ITPR1: variants seen among roughly 807,000 people sequenced by gnomAD.
ITPR1 encodes inositol 1,4,5-trisphosphate-gated calcium channel ITPR1.
A neutral mutation model predicts 318.4 loss-of-function variants in ITPR1; 96 were observed. That is an observed-to-expected ratio of 0.30 (90% CI 0.26 to 0.36). ITPR1 has a LOEUF of 0.36. ITPR1 is among the 10% of genes least tolerant of loss of function. The pLI is 1.00. For synonymous variants in ITPR1, 1,312 were observed against 1,289.9 expected (o/e 1.02, Z -0.37); for missense variants, 2,440 against 3,460.2 (o/e 0.71, Z 7.40).
At chr3:4,837,107 C>A (rs1048128007) in intron 61 of ITPR1, among the ~76,000 whole-genome samples, 172 bp downstream of exon 61, 1 of 152,064 alleles carries the variant, frequency 6.6e-6, no homozygotes, top group Admixed American at 6.5e-5. Flanking sequence ...ACCCCAATCC[C>A]CTTCACTGCC....
Position 4,846,355 on chromosome 3 carries a change from T to C in ITPR1, c.*130T>C, listed in dbSNP as rs752838610. ...CATTTGTAAATACTCAGTTTTATACTGTATGTATATGATTGCTACTCTAAA... is the reference window on the plus strand; with the variant it reads ...CATTTGTAAATACTCAGTTTTATACCGTATGTATATGATTGCTACTCTAAA... On this transcript the variant is annotated 3_prime_UTR_variant, in exon 62 of 62. Coordinates refer to ENST00000649015, the MANE Select transcript of ITPR1 (RefSeq NM_001378452.1). The C allele has an allele frequency of 5.8e-6, 3 of 520,474 alleles. No homozygotes were observed. The highest frequency in any genetic ancestry group is 1.0e-5 in the Non-Finnish European group (3 of 294,500). The allele number at this position is 520,474 out of a possible 1,614,324, so 32.2% of individuals were successfully genotyped here. A position where few individuals can be genotyped will look rare whatever the true frequency, so the allele number is the denominator to read the frequency against.
At chr3:4,624,670 CAA>C (rs1161664837) in intron 4 of ITPR1, among the ~76,000 whole-genome samples, 1,291 of 72,416 alleles carry the variant, frequency 0.018, 8 homozygotes, top group African/African-American at 0.053. Context: ...GCTCTGTCTC[CAA>C]AAAAAAAAAA....
intron 37 of ITPR1, among the ~76,000 whole-genome samples, chr3:4,707,971 G>A (rs191018122): frequency 6.6e-6 from 1 of 152,262 alleles, no homozygotes; most frequent in Admixed American, 6.5e-5. Flanking sequence ...GGGAGAAAGA[G>A]ACATTAATTT....
At chr3:4,500,472 G>T (rs2080936549) in intron 2 of ITPR1, among the ~76,000 whole-genome samples, 1 of 140,172 alleles carries the variant, frequency 7.1e-6, no homozygotes, top group South Asian at 2.2e-4. Flanking sequence ...AAAGTGTTGG[G>T]ATTACAGGCG....
rs754108098 is a variant in ITPR1 at position 4,652,553 on chromosome 3, C to T, written c.951+335C>T. On this transcript the variant is annotated intron_variant, in intron 11 of 61. Transcript: ENST00000649015. ...CTACCAGCCCCACACCTAGCATGAGCGACTGAGGCTGCAGCAGAAACATGA... is the reference window on the plus strand; with the variant it reads ...CTACCAGCCCCACACCTAGCATGAGTGACTGAGGCTGCAGCAGAAACATGA... 3.9e-5 allele frequency among the ~76,000 whole-genome samples: 6 copies of T among 152,174 alleles called. No individual in the cohort carries two copies. In the South Asian group the frequency reaches 6.2e-4, roughly 16 times the overall value.
At chr3:4,718,826 C>T (rs539799747) in intron 40 of ITPR1, among the ~76,000 whole-genome samples, 72 of 152,144 alleles carry the variant, frequency 4.7e-4, no homozygotes, top group Non-Finnish European at 9.6e-4. Context: ...TTCCTTCTTC[C>T]GGGTTATTTA....
At position 4,735,297 on chromosome 3, in the gene ITPR1, C is replaced by G. The variant is rs774018521; in HGVS notation, c.5487C>G (p.Phe1829Leu). ...TGAACGCATCCAGTGACCGAGTGTT[C>G]CATGAAAGCATTCTCCTGGCCATTG... ...LIMNASSDRV[F>L]HESILLAIAL... The change falls in exon 44 of 62, where the codon TTC (phenylalanine) becomes TTG (leucine). Residue 1829 changes from phenylalanine (F) to leucine (L), a missense_variant. Coordinates refer to ENST00000649015, the MANE Select transcript of ITPR1 (RefSeq NM_001378452.1). The G allele has an allele frequency of 1.9e-6, 3 of 1,613,842 alleles. No individual in the cohort carries two copies. The African/African-American group carries it at 4.0e-5, about 22-fold the overall frequency.
chr3:4,734,826 C>G (rs1486925221), intron 43 of ITPR1, among the ~76,000 whole-genome samples: 1 of 152,212 alleles, frequency 6.6e-6, no homozygotes, highest in African/African-American at 2.4e-5. Context: ...GTTTCTGAAA[C>G]CAGTTCTGAA....
intron 53 of ITPR1, among the ~76,000 whole-genome samples, chr3:4,799,399 G>A (rs1188189131): frequency 6.6e-6 from 1 of 152,192 alleles, no homozygotes; most frequent in Non-Finnish European, 1.5e-5. Context: ...TAAGTGGCTG[G>A]GCTGGGGGGA....
intron 60 of ITPR1, chr3:4,831,127 T>TCACACACACACACA (rs879186803): frequency 0.017 from 5,760 of 333,018 alleles, 82 homozygotes; most frequent in East Asian, 0.029. Flanking sequence ...TCTCTCTCTC[T>TCACACACACACACA]CTCTCACACA....
chr3:4,794,656 TA>T (rs1244496576), intron 52 of ITPR1, among the ~76,000 whole-genome samples: 4 of 152,180 alleles, frequency 2.6e-5, no homozygotes, highest in African/African-American at 9.7e-5. Flanking sequence ...CCCACACTTC[TA>T]AAAAGCTAAT....
chr3:4,798,978 G>C (rs1201827830), intron 53 of ITPR1, among the ~76,000 whole-genome samples: 1 of 152,254 alleles, frequency 6.6e-6, no homozygotes, highest in Non-Finnish European at 1.5e-5. Flanking sequence ...GACTTTTAGA[G>C]TGATAAAAAT....
chr3:4,661,013 C>G lies in ITPR1; in HGVS notation c.1177C>G (p.Leu393Val). 6.2e-7 allele frequency: 1 copy of G among 1,606,096 alleles called. No individual in the cohort carries two copies. Reference sequence around the variant, plus strand: ...GAACTCTTATGTTCGGCTCAGACACCTATGTACTAATACCTGGGTTCACAG... The same window carrying G: ...GAACTCTTATGTTCGGCTCAGACACGTATGTACTAATACCTGGGTTCACAG... ...PRNSYVRLRH[L>V]CTNTWVHSTN... Residue 393 changes from leucine (L) to valine (V), a missense_variant, in exon 14 of 62, where the codon CTA (leucine) becomes GTA (valine). Leu to Val is a conservative substitution (Grantham distance 32). Around this residue, in one of 23 missense-constraint regions of ITPR1, gnomAD observed 101 missense variants for 119.6 expected, o/e 0.84. Transcript: ENST00000649015.
At chr3:4,558,943 A>G (rs1001036162) in intron 4 of ITPR1, among the ~76,000 whole-genome samples, 1 of 152,104 alleles carries the variant, frequency 6.6e-6, no homozygotes, top group Non-Finnish European at 1.5e-5. Context: ...CCACAATACC[A>G]TTATCATACC....
chr3:4,675,284 G>A (rs767867002), intron 23 of ITPR1, 36 bp downstream of exon 23: 4 of 1,477,318 alleles, frequency 2.7e-6, no homozygotes, highest in African/African-American at 2.8e-5. Flanking sequence ...TCTGAGAGAT[G>A]CCCTCCAGCC....
chr3:4,777,280 A>T lies in ITPR1; in HGVS notation c.6197A>T (p.His2066Leu). 6.2e-7 allele frequency: 1 copy of T among 1,603,058 alleles called. No homozygotes were observed. The highest frequency in any genetic ancestry group is 8.5e-7 in the Non-Finnish European group (1 of 1,174,014). Residue 2066 changes from histidine to leucine, a missense_variant, in exon 48 of 62, where the codon CAT becomes CTT. His to Leu is a moderately conservative substitution (Grantham distance 99, BLOSUM62 -3). Coordinates refer to ENST00000649015, the MANE Select transcript of ITPR1 (RefSeq NM_001378452.1). ...CHENQNCIAT[H>L]ESNGIDIITA... ...TTTGCTCAGAACTGCATAGCCACCC[A>T]TGAATCCAATGGCATTGACATCATC... is the stretch of plus-strand genomic sequence containing the variant.
chr3:4,718,227 T>C (rs2041911694), intron 40 of ITPR1, among the ~76,000 whole-genome samples: 1 of 152,232 alleles, frequency 6.6e-6, no homozygotes, highest in Non-Finnish European at 1.5e-5. Context: ...GGAATTCATG[T>C]ACATAATTGA....
At chr3:4,618,634 G>A (rs543608189) in intron 4 of ITPR1, among the ~76,000 whole-genome samples, 1 of 152,036 alleles carries the variant, frequency 6.6e-6, no homozygotes, top group African/African-American at 2.4e-5. Context: ...AGCGTTTACC[G>A]AGTCTTCCCT....
Position 4,767,656 on chromosome 3 carries a change from C to G in ITPR1, c.5726-855C>G, listed in dbSNP as rs566913901. 3.3e-5 allele frequency among the ~76,000 whole-genome samples: 5 copies of G among 152,358 alleles called. No individual in the cohort carries two copies. In the South Asian group the frequency reaches 1.0e-3, roughly 32 times the overall value. On this transcript the variant is annotated intron_variant, in intron 45 of 61. Transcript: ENST00000649015. ...ACCTCAGCCTCCTGAGTAGCTGGGACTGCAAGTATGCACCACTACATCTGG... is the reference window on the plus strand; with the variant it reads ...ACCTCAGCCTCCTGAGTAGCTGGGAGTGCAAGTATGCACCACTACATCTGG...
Sources: gnomAD v4.1 joint callset for allele counts (sites outside exome capture counted in the v4.1 genomes callset) on GRCh38, gnomAD v4.1.1 for gene constraint, gnomAD v4.1.1 regional missense constraint, MANE v1.5 for transcripts, NCBI Gene and HGNC (gene_info 2026-07-23, HGNC 2026-07-21) for gene names.